The following HTR2C variants were observed in gnomAD, a reference collection of about 807,000 sequenced individuals.
HTR2C encodes 5-hydroxytryptamine receptor 2C.
Under a neutral mutation model 21.0 loss-of-function variants are expected in HTR2C, and 5 were observed. The ratio of observed to expected loss-of-function variants is 0.24; its 90% CI spans 0.12 to 0.50. The LOEUF (loss-of-function observed/expected upper bound fraction) is 0.50, where lower values mean the gene tolerates loss of function less well. Among genes scored for constraint, HTR2C ranks in the 20% least tolerant of loss-of-function variants. HTR2C has a pLI of 0.98. For missense variants in HTR2C, 271 were observed against 371.2 expected (o/e 0.73, Z 2.22); for synonymous variants, 150 against 145.3 (o/e 1.03, Z -0.23).
chrX:114,851,943 C>A (rs1181851129), intron 5 of HTR2C, among the ~76,000 whole-genome samples: 12 of 110,971 alleles, frequency 1.1e-4, no homozygotes, highest in African/African-American at 3.6e-4. Flanking sequence ...CTTTCCAATT[C>A]TTTATTTTTC....
At chrX:114,602,552 G>A (rs1928167604) in intron 1 of HTR2C, among the ~76,000 whole-genome samples, 1 of 78,280 alleles carries the variant, frequency 1.3e-5, no homozygotes, top group Non-Finnish European at 2.5e-5. Flanking sequence ...GGACCATAAG[G>A]GATATAAAGG....
chrX:114,671,506 G>A (rs1931378791), intron 2 of HTR2C, among the ~76,000 whole-genome samples: 1 of 111,397 alleles, frequency 9.0e-6, no homozygotes, highest in Non-Finnish European at 1.9e-5. Flanking sequence ...TTTGTAACAC[G>A]TTGCTACAAG....
At chrX:114,652,143 A>G (rs1182979181) in intron 2 of HTR2C, among the ~76,000 whole-genome samples, 1 of 111,290 alleles carries the variant, frequency 9.0e-6, no homozygotes, top group African/African-American at 3.2e-5. Context: ...TGTTACTTCA[A>G]CAATTCTAAG....
intron 2 of HTR2C, among the ~76,000 whole-genome samples, chrX:114,644,722 A>G (rs1930296985): frequency 9.1e-6 from 1 of 109,733 alleles, no homozygotes. Flanking sequence ...GCTAGAGGCA[A>G]TTATTTTGAG....
At chrX:114,895,329 A>G (rs1169458255) in intron 5 of HTR2C, among the ~76,000 whole-genome samples, 2 of 112,076 alleles carry the variant, frequency 1.8e-5, no homozygotes, top group Non-Finnish European at 3.8e-5. Context: ...GTAGTAGATC[A>G]TGCAACTTAT....
chrX:114,734,564 T>TAAAAAAAAAAAAAAAAAAAAAAAAAAAA (rs61672860), intron 4 of HTR2C, among the ~76,000 whole-genome samples: 16 of 34,294 alleles, frequency 4.7e-4, no homozygotes, highest in African/African-American at 1.2e-3. Flanking sequence ...GCCTTACATG[T>TAAAAAAAAAAAAAAAAAAAAAAAAAAAA]AAAAAAAAAA....
chrX:114,847,435 T>G (rs1360781383), intron 4 of HTR2C, among the ~76,000 whole-genome samples: 5 of 39,182 alleles, frequency 1.3e-4, no homozygotes, highest in African/African-American at 5.6e-4. Context: ...TGGGGACTGT[T>G]GTGGGGTGGG....
intron 2 of HTR2C, among the ~76,000 whole-genome samples, chrX:114,622,587 C>T (rs1929208137): frequency 9.0e-6 from 1 of 111,529 alleles, no homozygotes; most frequent in African/African-American, 3.3e-5. Context: ...AGTAACTACT[C>T]TACAAAAAGC....
At chrX:114,881,277 AATTATTGTCTCCC>A (rs1428479557) in intron 5 of HTR2C, among the ~76,000 whole-genome samples, 1 of 111,009 alleles carries the variant, frequency 9.0e-6, no homozygotes, top group Non-Finnish European at 1.9e-5. Flanking sequence ...AATGATTTGA[AATTATTGTCTCCC>A]ATTATTTTAG....
intron 4 of HTR2C, among the ~76,000 whole-genome samples, chrX:114,827,276 GA>G (rs1282997745): frequency 8.1e-5 from 9 of 110,827 alleles, no homozygotes; most frequent in Non-Finnish European, 1.7e-4. Flanking sequence ...TTTCAGATTA[GA>G]AATATTCAAC....
intron 2 of HTR2C, among the ~76,000 whole-genome samples, chrX:114,710,083 T>C (rs1556419017): frequency 9.0e-6 from 1 of 111,669 alleles, no homozygotes; most frequent in Admixed American, 9.6e-5. Context: ...CATTAGGACG[T>C]TGAATAAGTC....
chrX:114,697,551 GA>G (rs1556416042), intron 2 of HTR2C, among the ~76,000 whole-genome samples: 1 of 111,529 alleles, frequency 9.0e-6, no homozygotes, highest in Admixed American at 9.5e-5. Context: ...GAGAATATGA[GA>G]AAAAAATAAA....
At chrX:114,740,256 T>A (rs892697065) in intron 4 of HTR2C, among the ~76,000 whole-genome samples, 27 of 109,628 alleles carry the variant, frequency 2.5e-4, no homozygotes, top group African/African-American at 9.0e-4. Context: ...GCAAAATAAA[T>A]GACACCATGA....
At chrX:114,883,613 T>C (rs2071198761) in intron 5 of HTR2C, among the ~76,000 whole-genome samples, 1 of 110,217 alleles carries the variant, frequency 9.1e-6, no homozygotes, top group South Asian at 3.8e-4. Flanking sequence ...ATGCTGTGTA[T>C]TTATGTTTAT....
At chrX:114,593,240 C>T (rs1475311010) in intron 1 of HTR2C, among the ~76,000 whole-genome samples, 2 of 111,686 alleles carry the variant, frequency 1.8e-5, no homozygotes, top group Non-Finnish European at 3.8e-5. Flanking sequence ...GCACCTCTTA[C>T]ATGGCACTTA....
chrX:114,836,354 CG>C (rs1381842034), intron 4 of HTR2C, among the ~76,000 whole-genome samples: 1 of 112,133 alleles, frequency 8.9e-6, no homozygotes, highest in East Asian at 2.8e-4. Context: ...TAGCAATCAG[CG>C]AGACTCCGTG....
intron 5 of HTR2C, among the ~76,000 whole-genome samples, chrX:114,879,684 A>G (rs1255435765): frequency 9.0e-6 from 1 of 110,599 alleles, no homozygotes; most frequent in Admixed American, 9.7e-5. Flanking sequence ...TCGCTCATAC[A>G]ATGTTTGGTT....
intron 2 of HTR2C, among the ~76,000 whole-genome samples, chrX:114,626,006 A>G (rs1556402734): frequency 1.8e-5 from 2 of 111,466 alleles, no homozygotes; most frequent in Non-Finnish European, 3.8e-5. Context: ...TGTTATGTAA[A>G]TCCAAGATCA....
chrX:114,634,735 C>T (rs893064295), intron 2 of HTR2C, among the ~76,000 whole-genome samples: 3 of 110,474 alleles, frequency 2.7e-5, no homozygotes, highest in South Asian at 3.9e-4. Context: ...CCCTTGAGCC[C>T]GATGAGGTAG....
Sources: gnomAD v4.1 joint callset for allele counts (sites outside exome capture counted in the v4.1 genomes callset) on GRCh38, gnomAD v4.1.1 for gene constraint, MANE v1.5 for transcripts, NCBI Gene and HGNC (gene_info 2026-07-23, HGNC 2026-07-21) for gene names.